ANOS1: variants seen among roughly 807,000 people sequenced by gnomAD.
ANOS1 encodes the protein anosmin 1.
Under a neutral mutation model 59.0 loss-of-function variants are expected in ANOS1, and 6 were observed. The ratio of observed to expected loss-of-function variants is 0.10; its 90% CI spans 0.06 to 0.20. The LOEUF (loss-of-function observed/expected upper bound fraction) is 0.20, where lower values mean the gene tolerates loss of function less well. ANOS1 is among the 10% of genes least tolerant of loss of function. ANOS1 has a pLI of 1.00. For missense variants in ANOS1, 433 were observed against 542.3 expected (o/e 0.80, Z 2.00); for synonymous variants, 217 against 223.4 (o/e 0.97, Z 0.25).
chrX:8,659,432 T>A (rs1206602313), intron 2 of ANOS1, among the ~76,000 whole-genome samples: 1 of 108,243 alleles, frequency 9.2e-6, no homozygotes, highest in Non-Finnish European at 1.9e-5. Flanking sequence ...TTCTTTTTCT[T>A]TCTTTCTTCC....
chrX:8,624,058 T>G (rs1403338342), intron 2 of ANOS1, among the ~76,000 whole-genome samples: 1 of 97,881 alleles, frequency 1.0e-5, no homozygotes, highest in Non-Finnish European at 2.0e-5. Context: ...TTCTTGTCCC[T>G]AGGCTGGAGT....
chrX:8,631,913 C>T (rs1236218043), intron 2 of ANOS1, among the ~76,000 whole-genome samples: 1 of 112,017 alleles, frequency 8.9e-6, no homozygotes, highest in Non-Finnish European at 1.9e-5. Flanking sequence ...AGTTTCACTC[C>T]AGCTTAGAGG....
chrX:8,676,970 C>T (rs1402830895), intron 2 of ANOS1, among the ~76,000 whole-genome samples: 1 of 111,810 alleles, frequency 8.9e-6, no homozygotes. Context: ...CACTTCCCTG[C>T]TCCCAGTCCT....
chrX:8,726,851 T>C lies in ANOS1; in HGVS notation c.207+4979A>G, dbSNP rs896178957. On this transcript the variant is annotated intron_variant, in intron 1 of 13. Transcript: ENST00000262648. ...TTATCTCAGGCACCACCTCCCTCCT[T>C]TCCTTCTTCTTTAATCTTCTAGAGA... 3.6e-5 allele frequency among the ~76,000 whole-genome samples: 4 copies of C among 111,955 alleles called. No individual in the cohort carries two copies. In the Admixed American group the frequency reaches 3.8e-4, roughly 11 times the overall value.
intron 3 of ANOS1, among the ~76,000 whole-genome samples, chrX:8,616,574 C>A (rs543089535): frequency 2.7e-5 from 3 of 111,486 alleles, no homozygotes; most frequent in African/African-American, 9.8e-5. Context: ...ATGCCATGCT[C>A]AACACCAAAC....
chrX:8,675,595 T>C (rs1422002189), intron 2 of ANOS1, among the ~76,000 whole-genome samples: 1 of 111,617 alleles, frequency 9.0e-6, no homozygotes, highest in Non-Finnish European at 1.9e-5. Context: ...GACCATTTCA[T>C]GCGTCTCTAA....
intron 2 of ANOS1, among the ~76,000 whole-genome samples, chrX:8,692,003 T>C (rs961784226): frequency 8.9e-6 from 1 of 111,864 alleles, no homozygotes; most frequent in African/African-American, 3.2e-5. Flanking sequence ...AGATATGTCT[T>C]TGTATTGTCA....
chrX:8,691,429 G>A (rs1401513841), intron 2 of ANOS1, among the ~76,000 whole-genome samples: 4 of 111,795 alleles, frequency 3.6e-5, no homozygotes, highest in African/African-American at 1.3e-4. Flanking sequence ...ATAGTCATAT[G>A]TTACATTTGA....
intron 1 of ANOS1, among the ~76,000 whole-genome samples, chrX:8,711,508 G>A (rs1932812143): frequency 8.9e-6 from 1 of 112,786 alleles, no homozygotes; most frequent in African/African-American, 3.2e-5. Flanking sequence ...TCTCAAATGA[G>A]ATGAATAATG....
chrX:8,599,612 C>T (rs1427927797), intron 3 of ANOS1, among the ~76,000 whole-genome samples: 1 of 111,776 alleles, frequency 8.9e-6, no homozygotes, highest in Non-Finnish European at 1.9e-5. Context: ...AAGACCAGCT[C>T]ATGTGTTGCT....
At chrX:8,670,071 A>C (rs1164885039) in intron 2 of ANOS1, among the ~76,000 whole-genome samples, 1 of 111,002 alleles carries the variant, frequency 9.0e-6, no homozygotes, top group Admixed American at 9.7e-5. Flanking sequence ...CTCCCCCACA[A>C]AATGTGTTGG....
At chrX:8,611,377 T>C (rs1931055300) in intron 3 of ANOS1, among the ~76,000 whole-genome samples, 1 of 109,506 alleles carries the variant, frequency 9.1e-6, no homozygotes, top group Non-Finnish European at 1.9e-5. Context: ...GTCTAATGTG[T>C]GTAATTAGAG....
chrX:8,608,819 G>T (rs966089218), intron 3 of ANOS1, among the ~76,000 whole-genome samples: 3 of 111,644 alleles, frequency 2.7e-5, no homozygotes, highest in Non-Finnish European at 5.6e-5. Context: ...CCTTCACTAG[G>T]CACTTCTCCT....
intron 7 of ANOS1, 113 bp downstream of exon 7, chrX:8,570,386 T>C (rs964035602): frequency 8.7e-5 from 56 of 640,962 alleles, no homozygotes; most frequent in Non-Finnish European, 1.3e-4. Flanking sequence ...GGAGGGAAGC[T>C]TTCCTGCATC....
intron 2 of ANOS1, among the ~76,000 whole-genome samples, chrX:8,670,836 G>T (rs1185033788): frequency 9.0e-6 from 1 of 111,275 alleles, no homozygotes; most frequent in Non-Finnish European, 1.9e-5. Flanking sequence ...TCCTCTTCCA[G>T]TCGCCTTCAC....
chrX:8,576,284 C>T (rs2146810997), intron 6 of ANOS1, among the ~76,000 whole-genome samples: 1 of 111,154 alleles, frequency 9.0e-6, no homozygotes, highest in East Asian at 2.8e-4. Flanking sequence ...TTACTCAGTC[C>T]TAACAAGTTT....
intron 13 of ANOS1, among the ~76,000 whole-genome samples, chrX:8,533,374 G>C (rs1393007009): frequency 2.7e-5 from 3 of 112,283 alleles, no homozygotes; most frequent in Middle Eastern, 4.6e-3. Flanking sequence ...AAATACTTCT[G>C]TTAAAAGGAA....
intron 8 of ANOS1, among the ~76,000 whole-genome samples, chrX:8,565,476 A>C (rs898816290): frequency 9.8e-5 from 11 of 112,246 alleles, no homozygotes; most frequent in Admixed American, 1.9e-4. Context: ...AACTACGCTG[A>C]TATTTTCTAA....
intron 2 of ANOS1, among the ~76,000 whole-genome samples, chrX:8,662,797 G>C (rs999399690): frequency 9.0e-6 from 1 of 111,582 alleles, no homozygotes; most frequent in East Asian, 2.8e-4. Flanking sequence ...CGAGGCAGGC[G>C]GATCATCTGA....
Sources: allele counts gnomAD v4.1 joint callset (sites outside exome capture counted in the v4.1 genomes callset), GRCh38; gene constraint gnomAD v4.1.1; transcripts MANE v1.5; gene names NCBI Gene and HGNC (gene_info 2026-07-23, HGNC 2026-07-21).